Variants in LRRC49 observed in about 807,000 individuals in gnomAD.
The protein encoded by LRRC49 is leucine-rich repeat-containing protein 49.
LRRC49 carries 50 observed loss-of-function variants against 83.3 expected under a neutral mutation model. The observed-to-expected ratio is 0.60, with a 90% CI of 0.48 to 0.76. The LOEUF (loss-of-function observed/expected upper bound fraction) is 0.76, where lower values mean the gene tolerates loss of function less well. Among genes scored for constraint, LRRC49 ranks in the 30% least tolerant of loss-of-function variants. The probability of loss-of-function intolerance (pLI) is 0.00; values close to 1 mark genes in which losing one functional copy is unlikely to be tolerated. For missense variants in LRRC49, 704 were observed against 809.1 expected, an observed-to-expected ratio of 0.87 and a Z score of 1.58; for synonymous variants, 286 against 283.3, an observed-to-expected ratio of 1.01 and a Z score of -0.10.
Position 70,904,574 on chromosome 15 carries a change from A to G in LRRC49, c.319A>G (p.Ile107Val), listed in dbSNP as rs1483181642. The change falls in exon 5 of 16, where the codon ATC becomes GTC. Residue 107 changes from isoleucine (I) to valine (V), a missense_variant. This residue lies in a region of LRRC49 where 261 missense variants were observed against 330.5 expected (regional missense o/e 0.79). Coordinates refer to ENST00000260382, the MANE Select transcript of LRRC49 (RefSeq NM_017691.5). ...TAGACAAAAGCTGACCGTATGTCCT[A>G]TCATCAATGGGGAAGACCACCTTCG... ...LERQKLTVCP[I>V]INGEDHLRLL... 19 of 1,613,440 alleles carry G rather than the reference A, an allele frequency of 1.2e-5. No individual in the cohort carries two copies. The highest frequency in any genetic ancestry group is 1.7e-5 in the Admixed American group (1 of 60,012).
At chr15:71,006,640 A>G (rs1253494940) in intron 11 of LRRC49, among the ~76,000 whole-genome samples, 1 of 152,166 alleles carries the variant, frequency 6.6e-6, no homozygotes, top group African/African-American at 2.4e-5. Flanking sequence ...TGAGCAGAGC[A>G]TAGGCTAGGA....
chr15:70,969,395 A>G (rs924508340), intron 9 of LRRC49, among the ~76,000 whole-genome samples: 2 of 152,112 alleles, frequency 1.3e-5, no homozygotes, highest in Admixed American at 6.5e-5. Flanking sequence ...GCCTTGTAGT[A>G]TAGTTTGAAG....
At chr15:70,949,578 C>T (rs1043751833) in intron 8 of LRRC49, among the ~76,000 whole-genome samples, 3 of 152,096 alleles carry the variant, frequency 2.0e-5, no homozygotes, top group African/African-American at 4.8e-5. Context: ...CGACCCCTCC[C>T]GTGGATACCA....
At chr15:71,047,533 A>G (rs1431154994) in intron 15 of LRRC49, among the ~76,000 whole-genome samples, 2 of 152,122 alleles carry the variant, frequency 1.3e-5, no homozygotes, top group African/African-American at 4.8e-5. Context: ...CATTGATTTT[A>G]TATCCTGAAG....
intron 14 of LRRC49, among the ~76,000 whole-genome samples, chr15:71,032,782 G>T (rs201652485): frequency 1.3e-5 from 2 of 152,070 alleles, no homozygotes; most frequent in African/African-American, 4.8e-5. Flanking sequence ...CTCAATAGAC[G>T]CAGAAAAGGC....
chr15:70,898,290 G>A (rs1036161139), intron 3 of LRRC49: 5 of 632,100 alleles, frequency 7.9e-6, no homozygotes, highest in African/African-American at 5.5e-5. Flanking sequence ...AGTAACACAC[G>A]CAAAATAGAT....
intron 11 of LRRC49, among the ~76,000 whole-genome samples, chr15:70,997,678 G>A (rs1050733236): frequency 6.6e-6 from 1 of 152,228 alleles, no homozygotes; most frequent in South Asian, 2.1e-4. Context: ...TTGAACCCAG[G>A]AGGTGGAGGT....
chr15:70,872,915 C>A, exon 2 of LRRC49: 4 of 193,530 alleles, frequency 2.1e-5, no homozygotes, highest in Admixed American at 6.4e-5. Flanking sequence ...TAGATGGAGT[C>A]TCACTCTGTC....
At position 70,980,153 on chromosome 15, in the gene LRRC49, A is replaced by T; in HGVS notation, c.974A>T (p.Lys325Met). 2.5e-6 allele frequency: 4 copies of T among 1,612,418 alleles called. No homozygotes were observed. The highest frequency in any genetic ancestry group is 3.4e-6 in the Non-Finnish European group (4 of 1,179,190). ...TTAGCCAAAAAAGAGGAAGAGAAGA[A>T]GCGGGAAAGTCATAAACAATCTTTG... Reference protein sequence around the residue: ...SVLAKKEEEKKRESHKQSLLK... With the variant: ...SVLAKKEEEKMRESHKQSLLK... The change falls in exon 10 of 16, where the codon AAG becomes ATG. Residue 325 changes from lysine (K) to methionine (M), a missense_variant. By Grantham distance (95) the Lys-to-Met change is moderately conservative (BLOSUM62 -1). This residue lies in a region of LRRC49 where 168 missense variants were observed against 140.6 expected (regional missense o/e 1.20). Transcript: ENST00000260382.
chr15:70,955,106 C>T lies in LRRC49; in HGVS notation c.774-8679C>T, dbSNP rs549941629. Among the ~76,000 whole-genome samples, 5 of 152,150 alleles carry T rather than the reference C, an allele frequency of 3.3e-5. No individual in the cohort carries two copies. The South Asian group carries it at 8.3e-4, about 25-fold the overall frequency. On this transcript the variant is annotated intron_variant, in intron 8 of 15. Coordinates refer to ENST00000260382, the MANE Select transcript of LRRC49 (RefSeq NM_017691.5). ...GGTGGGTTGCTCTGGCTGGAAATGC[C>T]GCAGGCAGGAGGCCTGGAATTTACT... is the stretch of plus-strand genomic sequence containing the variant.
intron 1 of LRRC49, chr15:70,859,733 C>T (rs936990521): frequency 2.1e-5 from 15 of 700,222 alleles, no homozygotes; most frequent in African/African-American, 2.1e-4. Flanking sequence ...TGTGGAGCAG[C>T]GTGGGGAGCT....
At chr15:70,862,989 T>A (rs773242053) in intron 1 of LRRC49, among the ~76,000 whole-genome samples, 1 of 152,194 alleles carries the variant, frequency 6.6e-6, no homozygotes, top group Non-Finnish European at 1.5e-5. Context: ...GATAAAGGGA[T>A]GAAATGACTG....
chr15:70,931,481 A>C (rs926865725), intron 7 of LRRC49, among the ~76,000 whole-genome samples: 3 of 152,198 alleles, frequency 2.0e-5, no homozygotes, highest in Non-Finnish European at 2.9e-5. Flanking sequence ...AAGTGAGCAC[A>C]TGCTGTTGGA....
At chr15:70,921,547 C>G (rs573225562) in intron 7 of LRRC49, among the ~76,000 whole-genome samples, 17 of 152,124 alleles carry the variant, frequency 1.1e-4, no homozygotes, top group Non-Finnish European at 1.0e-4. Flanking sequence ...CACAGTTCAC[C>G]GTAGTCCATG....
intron 7 of LRRC49, among the ~76,000 whole-genome samples, chr15:70,920,131 T>C (rs529321682): frequency 5.3e-4 from 81 of 152,368 alleles, no homozygotes; most frequent in African/African-American, 1.9e-3. Context: ...GTATCATTTA[T>C]GCACTTTGAA....
chr15:70,998,427 G>T (rs952710761), intron 11 of LRRC49, among the ~76,000 whole-genome samples: 5 of 151,330 alleles, frequency 3.3e-5, no homozygotes, highest in African/African-American at 4.9e-5. Flanking sequence ...TCTCTTATTT[G>T]TGAAGTCCAG....
At chr15:71,035,503 C>A (rs2039490628) in intron 14 of LRRC49, among the ~76,000 whole-genome samples, 1 of 152,032 alleles carries the variant, frequency 6.6e-6, no homozygotes, top group Admixed American at 6.5e-5. Context: ...CCTAGCCCTC[C>A]ACCCCCTGAC....
intron 9 of LRRC49, among the ~76,000 whole-genome samples, chr15:70,970,358 T>C (rs191643522): frequency 3.3e-5 from 5 of 152,326 alleles, no homozygotes; most frequent in Admixed American, 6.5e-5. Flanking sequence ...AGCTTTTTAA[T>C]GTGCTGCTGG....
rs2039976518 is a variant in LRRC49, at chr15:71,050,270, A to T, written c.*658A>T. ...TATGCAAATGAGTCAAAACTGGGAT[A>T]GGAAGAAAATGTTTTGTCTTAGGAG... On this transcript the variant is annotated 3_prime_UTR_variant, in exon 16 of 16. Coordinates refer to ENST00000260382, the MANE Select transcript of LRRC49 (RefSeq NM_017691.5). 1 of 152,228 alleles carries T rather than the reference A, an allele frequency of 6.6e-6. No individual in the cohort carries two copies. Among genetic ancestry groups the T allele is most frequent in the Admixed American group, 6.5e-5 (1 of 15,280 alleles). The allele number at this position is 152,228 out of a possible 1,614,324, so 9.4% of individuals were successfully genotyped here.
Sources: allele counts gnomAD v4.1 joint callset (sites outside exome capture counted in the v4.1 genomes callset), GRCh38; gene constraint gnomAD v4.1.1; regional missense constraint gnomAD v4.1.1; transcripts MANE v1.5; gene names NCBI Gene and HGNC (gene_info 2026-07-23, HGNC 2026-07-21).